DLGAP1: variants seen among roughly 807,000 people sequenced by gnomAD.
DLGAP1 encodes DLG associated protein 1.
A neutral mutation model predicts 90.8 loss-of-function variants in DLGAP1; 11 were observed. The ratio of observed to expected loss-of-function variants is 0.12; its 90% confidence interval spans 0.08 to 0.20. DLGAP1 has a LOEUF of 0.20. Ranked by LOEUF, DLGAP1 falls within the 10% of genes least tolerant of loss-of-function variation. The pLI is 1.00. For synonymous variants in DLGAP1, 558 were observed against 540.7 expected (o/e 1.03, Z -0.44); for missense variants, 1,050 against 1,333.8 (o/e 0.79, Z 3.31).
intron 7 of DLGAP1, among the ~76,000 whole-genome samples, chr18:3,685,829 C>T (rs577098957): frequency 3.9e-5 from 6 of 152,288 alleles, no homozygotes; most frequent in African/African-American, 1.2e-4. Context: ...AACACAATTG[C>T]TCTTCAAGGC....
intron 7 of DLGAP1, among the ~76,000 whole-genome samples, chr18:3,638,096 G>A (rs2058788061): frequency 6.6e-6 from 1 of 151,576 alleles, no homozygotes; most frequent in South Asian, 2.1e-4. Flanking sequence ...ACAGGCGCCC[G>A]CCACCCCGCC....
chr18:4,387,083 T>C (rs538527645), intron 1 of DLGAP1, among the ~76,000 whole-genome samples: 1 of 152,296 alleles, frequency 6.6e-6, no homozygotes, highest in South Asian at 2.1e-4. Flanking sequence ...CCACCCATTG[T>C]GTTCTAAATA....
At chr18:4,410,000 T>A (rs2082742186) in intron 1 of DLGAP1, among the ~76,000 whole-genome samples, 1 of 152,176 alleles carries the variant, frequency 6.6e-6, no homozygotes, top group East Asian at 1.9e-4. Context: ...ATTAACAGCA[T>A]TTGCAATAAC....
chr18:4,324,917 T>A (rs189959947), intron 1 of DLGAP1, among the ~76,000 whole-genome samples: 1 of 152,170 alleles, frequency 6.6e-6, no homozygotes, highest in Admixed American at 6.5e-5. Flanking sequence ...TCATACTGAA[T>A]GGGCAAAAGC....
chr18:3,555,446 T>G (rs544684376), intron 9 of DLGAP1, among the ~76,000 whole-genome samples: 62 of 152,194 alleles, frequency 4.1e-4, no homozygotes, highest in African/African-American at 1.5e-3. Context: ...ATGATAAAAA[T>G]GGCTCGTATA....
In DLGAP1 at chr18:3,517,818, G is replaced by A. The variant is rs1425598598; in HGVS notation, c.2480-9157C>T. 3.7e-4 allele frequency among the ~76,000 whole-genome samples: 28 copies of A among 76,060 alleles called. No homozygotes were observed. The East Asian group carries it at 0.012, about 32-fold the overall frequency. The allele number at this position is 76,060 out of a possible 152,430, so 49.9% of individuals were successfully genotyped here. A position where few individuals can be genotyped will look rare whatever the true frequency, so the allele number is the denominator to read the frequency against. The stretch of plus-strand genomic sequence containing the variant: ...GGCAACAAGAGAGAAACTCTGTCTC[G>A]GAAAAAAAAAAAAAAGAAGAGAGTC... On this transcript the variant is annotated intron_variant, in intron 10 of 12. Transcript: ENST00000315677. This position sits in a 1 kb window ranked among gnomAD's most constrained non-coding sequence, Gnocchi z 4.1.
At chr18:3,765,168 C>T (rs2064168778) in intron 5 of DLGAP1, among the ~76,000 whole-genome samples, 1 of 133,478 alleles carries the variant, frequency 7.5e-6, no homozygotes, top group Non-Finnish European at 1.5e-5. Flanking sequence ...CGCTCTGTTG[C>T]CCAGGCTGGA....
intron 1 of DLGAP1, among the ~76,000 whole-genome samples, chr18:4,227,558 T>G (rs1365707031): frequency 6.6e-6 from 1 of 151,886 alleles, no homozygotes; most frequent in Non-Finnish European, 1.5e-5. Context: ...TTTAAAACTA[T>G]GCAAACACAT....
intron 1 of DLGAP1, among the ~76,000 whole-genome samples, chr18:4,302,512 T>C (rs2080150983): frequency 1.1e-5 from 1 of 93,854 alleles, no homozygotes; most frequent in African/African-American, 4.3e-5. Context: ...TATTTTTAAA[T>C]TTTTTTTATT....
intron 5 of DLGAP1, among the ~76,000 whole-genome samples, chr18:3,756,591 A>C (rs2063727612): frequency 6.6e-6 from 1 of 152,108 alleles, no homozygotes; most frequent in Admixed American, 6.5e-5. Flanking sequence ...AATCCAGTGC[A>C]AGCAGAATGA....
chr18:3,813,498 C>T (rs2066943309), intron 5 of DLGAP1, among the ~76,000 whole-genome samples: 1 of 152,126 alleles, frequency 6.6e-6, no homozygotes, highest in Admixed American at 6.5e-5. Flanking sequence ...TTTATATTTG[C>T]AAAACAAAAC....
At chr18:4,210,775 T>C (rs906804755) in intron 1 of DLGAP1, among the ~76,000 whole-genome samples, 2 of 152,190 alleles carry the variant, frequency 1.3e-5, no homozygotes, top group African/African-American at 2.4e-5. Context: ...GACTGTATTA[T>C]GTCTGGATGG....
chr18:3,511,304 TTTTA>T (rs1470194827), intron 10 of DLGAP1, among the ~76,000 whole-genome samples: 4 of 151,654 alleles, frequency 2.6e-5, no homozygotes, highest in South Asian at 2.1e-4. Context: ...TTTTGTTTTG[TTTTA>T]TTTTTTTTCC....
At chr18:3,842,314 C>A (rs966030901) in intron 4 of DLGAP1, among the ~76,000 whole-genome samples, 4 of 152,242 alleles carry the variant, frequency 2.6e-5, no homozygotes, top group Admixed American at 2.0e-4. Context: ...CTACATCATA[C>A]TCTCTAAGTC....
At chr18:4,260,672 G>A (rs997436193) in intron 1 of DLGAP1, among the ~76,000 whole-genome samples, 2 of 152,112 alleles carry the variant, frequency 1.3e-5, no homozygotes, top group Non-Finnish European at 2.9e-5. Flanking sequence ...TATGGGATAG[G>A]ATGAAACATA....
At chr18:3,891,848 C>T (rs535420189) in intron 3 of DLGAP1, 2 of 152,102 alleles carry the variant, frequency 1.3e-5, no homozygotes, top group South Asian at 2.1e-4. Context: ...AACTCGTGGG[C>T]TTAAGGAATC....
intron 1 of DLGAP1, among the ~76,000 whole-genome samples, chr18:4,227,833 A>G (rs1400952055): frequency 6.6e-6 from 1 of 151,774 alleles, no homozygotes; most frequent in Non-Finnish European, 1.5e-5. Flanking sequence ...ATTATTAAAG[A>G]AAAAGTAATA....
intron 7 of DLGAP1, among the ~76,000 whole-genome samples, chr18:3,616,395 G>C (rs1202878784): frequency 1.3e-5 from 2 of 152,088 alleles, no homozygotes; most frequent in African/African-American, 2.4e-5. Context: ...GAGCCCATTC[G>C]GTGGTCTGAG....
chr18:4,047,094 G>A (rs2218283), intron 2 of DLGAP1, among the ~76,000 whole-genome samples: 46,087 of 152,100 alleles, frequency 0.3, 7,378 homozygotes, highest in Non-Finnish European at 0.37. Context: ...AAGAAAATTA[G>A]AGTCAAATGT....
Sources: allele counts gnomAD v4.1 joint callset (sites outside exome capture counted in the v4.1 genomes callset), GRCh38; gene constraint gnomAD v4.1.1; non-coding constraint Gnocchi (gnomAD v3.1); transcripts MANE v1.5; gene names NCBI Gene and HGNC (gene_info 2026-07-23, HGNC 2026-07-21).